The following RPLP0 variants were observed in gnomAD, a reference collection of about 807,000 sequenced individuals.
The protein encoded by RPLP0 is ribosomal protein lateral stalk subunit P0.
For synonymous variants in RPLP0, 137 were observed against 153.4 expected, an observed-to-expected ratio of 0.89 and a Z score of 0.79; for missense variants, 276 against 402.9, an observed-to-expected ratio of 0.69 and a Z score of 2.70.
chr12:120,197,771 G>T, intron 6 of RPLP0: 1 of 303,292 alleles, frequency 3.3e-6, no homozygotes, highest in Non-Finnish European at 6.2e-6. Context: ...AACGAAAAAT[G>T]TTCAACGATT....
In RPLP0 at chr12:120,199,317, G is replaced by A. The variant is rs750214756; in HGVS notation, c.223C>T (p.Leu75=). Residue 75 remains leucine, a synonymous_variant, in exon 3 of 8, where the codon CTG becomes TTG. Coordinates refer to ENST00000392514, the MANE Select transcript of RPLP0 (RefSeq NM_001002.4). Reference sequence around the variant, plus strand: ...ACTGCCAGGGGAACTGACTTCTCCAGAGCTGGGTTGTTTTCCAGGTGCCCT... The same window carrying A: ...ACTGCCAGGGGAACTGACTTCTCCAAAGCTGGGTTGTTTTCCAGGTGCCCT... ...IRGHLENNPA[L]EKLLPHIRGN... is the part of the protein sequence containing the mutation. The A allele has an allele frequency of 6.8e-6, 11 of 1,614,080 alleles. No individual in the cohort carries two copies. In the East Asian group the frequency reaches 1.6e-4, roughly 23 times the overall value.
At chr12:120,200,070 G>A (rs1433309978) in intron 2 of RPLP0, 1 of 456,040 alleles carries the variant, frequency 2.2e-6, no homozygotes, top group Non-Finnish European at 4.4e-6. Context: ...AAAAGTCATT[G>A]GACACTTAAG....
Position 120,199,202 on chromosome 12 carries a change from C to T in RPLP0, c.234G>A (p.Leu78=), listed in dbSNP as rs548345807. Residue 78 remains leucine (L), a synonymous_variant, in exon 4 of 8, where the codon CTG becomes CTA. Coordinates refer to ENST00000392514, the MANE Select transcript of RPLP0 (RefSeq NM_001002.4). ...HLENNPALEK[L]LPHIRGNVGF... The stretch of plus-strand genomic sequence containing the variant: ...CCACATTCCCCCGGATATGAGGCAG[C>T]AGTCTGCAAAGAGAAGTTTATGGGA... The T allele has an allele frequency of 6.2e-7, 1 of 1,613,790 alleles. No homozygotes were observed. Among genetic ancestry groups the T allele is most frequent in the African/African-American group, 1.3e-5 (1 of 75,060 alleles).
At chr12:120,200,954 C>A in intron 1 of RPLP0, 123 bp from the exon 2 acceptor site, 1 of 1,251,258 alleles carries the variant, frequency 8.0e-7, no homozygotes, top group East Asian at 2.6e-5. Flanking sequence ...GCCGTCATCT[C>A]GGGGCGTGCA....
intron 2 of RPLP0, 153 bp from the exon 3 acceptor site, chr12:120,199,638 G>A (rs899146066): frequency 4.3e-6 from 3 of 702,996 alleles, no homozygotes; most frequent in Admixed American, 2.9e-5. Flanking sequence ...TTGTAACACT[G>A]CCAAACTGGA....
At chr12:120,199,279 G>A in intron 3 of RPLP0, 31 bp downstream of exon 3, 2 of 1,613,968 alleles carry the variant, frequency 1.2e-6, no homozygotes, top group South Asian at 2.2e-5. Flanking sequence ...GGGCACTGGG[G>A]AGAAAGGACA....
chr12:120,200,008 C>T (rs1594299944), intron 2 of RPLP0: 5 of 456,072 alleles, frequency 1.1e-5, no homozygotes, highest in Non-Finnish European at 1.8e-5. Flanking sequence ...ATTGCTTAAG[C>T]GCAGTACAGT....
chr12:120,200,378 G>T (rs1879386149), intron 2 of RPLP0: 2 of 323,020 alleles, frequency 6.2e-6, no homozygotes, highest in Non-Finnish European at 1.2e-5. Flanking sequence ...CAGGAGAATC[G>T]CTTGAACCTG....
At chr12:120,197,964 T>C (rs1255151362) in intron 6 of RPLP0, among the ~76,000 whole-genome samples, 1 of 152,182 alleles carries the variant, frequency 6.6e-6, no homozygotes, top group Non-Finnish European at 1.5e-5. Flanking sequence ...AGTCTCACTC[T>C]GTCACTCAGG....
At chr12:120,197,550 C>A (rs1449723067) in intron 6 of RPLP0, 88 bp from the exon 7 acceptor site, 2 of 1,475,362 alleles carry the variant, frequency 1.4e-6, no homozygotes, top group African/African-American at 2.8e-5. Context: ...CCTTAGCAGA[C>A]AATAATTGCC....
rs1227730541 is a variant in RPLP0, at chr12:120,198,386, CAAAAAA to C, written c.651+162_651+167del. The C allele has an allele frequency of 4.5e-5, 24 of 528,726 alleles. No individual in the cohort carries two copies. Among genetic ancestry groups the C allele is most frequent in the African/African-American group, 3.0e-4 (10 of 33,046 alleles). The allele number at this position is 528,726 out of a possible 1,614,324, so 32.8% of individuals were successfully genotyped here. ...GGGCGACACAGCAAGACTCTGTCTCCAAAAAAAAAAAAAAAAAATCCTTCAACAATC... is the reference window on the plus strand; with the variant it reads ...GGGCGACACAGCAAGACTCTGTCTCCAAAAAAAAAAAATCCTTCAACAATC... On this transcript the variant is annotated intron_variant, in intron 6 of 7. Transcript: ENST00000392514. This position sits in a 1 kb window ranked among gnomAD's most constrained non-coding sequence, Gnocchi z 4.1.
chr12:120,200,278 C>CATGGT (rs1879379063), intron 2 of RPLP0: 1 of 352,244 alleles, frequency 2.8e-6, no homozygotes, highest in Non-Finnish European at 5.6e-6. Context: ...TCCTGGCCAA[C>CATGGT]ATGGTGAATC....
intron 2 of RPLP0, chr12:120,200,458 G>A: frequency 2.5e-6 from 1 of 400,400 alleles, no homozygotes; most frequent in South Asian, 3.2e-5. Context: ...GCGAGACTCC[G>A]TTTAAAAAAA....
At position 120,201,108 on chromosome 12, in the gene RPLP0, A is replaced by G. The variant is rs1264224826; in HGVS notation, c.-74T>C. ...CTTCCACGAGGACGCCTGGCGAGAG[A>G]AGGGCCTCGCGCCCGCGCGTGCCTT... On this transcript the variant is annotated 5_prime_UTR_variant, in exon 1 of 8. Transcript: ENST00000392514. The G allele has an allele frequency of 1.2e-5, 4 of 338,788 alleles. No homozygotes were observed. Among genetic ancestry groups the G allele is most frequent in the African/African-American group, 4.2e-5 (2 of 47,252 alleles). The allele number at this position is 338,788 out of a possible 1,614,324, so 21.0% of individuals were successfully genotyped here.
At chr12:120,200,707 G>A (rs752111632) in intron 2 of RPLP0, 23 bp downstream of exon 2, 3 of 1,604,978 alleles carry the variant, frequency 1.9e-6, no homozygotes, top group South Asian at 1.1e-5. Flanking sequence ...ATGAAGAGCA[G>A]AGGCGACCCA....
At chr12:120,197,172 G>T in intron 7 of RPLP0, 150 bp downstream of exon 7, 2 of 987,262 alleles carry the variant, frequency 2.0e-6, no homozygotes, top group Non-Finnish European at 3.1e-6. Context: ...AGTGAGAAAC[G>T]CCTTCCCTGC....
Position 120,198,756 on chromosome 12 carries a change from TG to T in RPLP0, c.466-18del. On this transcript the variant is annotated intron_variant, in intron 5 of 7. Coordinates refer to ENST00000392514, the MANE Select transcript of RPLP0 (RefSeq NM_001002.4). The surrounding 1 kb of genome is among the most constrained non-coding windows in gnomAD (Gnocchi z 4.1). Reference sequence around the variant, plus strand: ...CACATCACTCTGAACCAGATAATAGTGGGGCAGTAAACACCTGTTGGACAAC... The same window carrying T: ...CACATCACTCTGAACCAGATAATAGTGGGCAGTAAACACCTGTTGGACAAC... 6.2e-7 allele frequency: 1 copy of T among 1,613,104 alleles called. No individual in the cohort carries two copies. Among genetic ancestry groups the T allele is most frequent in the Non-Finnish European group, 8.5e-7 (1 of 1,179,132 alleles).
chr12:120,200,653 CTCA>C, intron 2 of RPLP0, 74 bp downstream of exon 2: 2 of 1,513,730 alleles, frequency 1.3e-6, no homozygotes, highest in African/African-American at 1.4e-5. Context: ...TGAGTAGACC[CTCA>C]GCACATAGCA....
chr12:120,197,075 C>G, intron 7 of RPLP0, 141 bp from the exon 8 acceptor site: 3 of 1,430,646 alleles, frequency 2.1e-6, no homozygotes, highest in Non-Finnish European at 2.9e-6. Context: ...CCAAGCAGGA[C>G]AGCTTGGGTA....
Sources: allele counts gnomAD v4.1 joint callset (sites outside exome capture counted in the v4.1 genomes callset), GRCh38; gene constraint gnomAD v4.1.1; non-coding constraint Gnocchi (gnomAD v3.1); transcripts MANE v1.5; gene names NCBI Gene and HGNC (gene_info 2026-07-23, HGNC 2026-07-21).